Variants in TRAPPC9 observed in about 807,000 individuals in gnomAD.
TRAPPC9 encodes trafficking protein particle complex subunit 9.
In TRAPPC9, 83 loss-of-function variants were observed where a neutral mutation model predicts 124.0. That is an observed-to-expected ratio of 0.67 (90% CI 0.56 to 0.80). The LOEUF is 0.80. TRAPPC9 is among the 30% of genes least tolerant of loss of function. TRAPPC9 has a pLI of 0.00. For missense variants in TRAPPC9, 1,302 were observed against 1,508.3 expected (o/e 0.86, Z 2.27); for synonymous variants, 638 against 617.5 (o/e 1.03, Z -0.49).
At chr8:140,057,893 G>A (rs914547231) in intron 17 of TRAPPC9, among the ~76,000 whole-genome samples, 4 of 152,210 alleles carry the variant, frequency 2.6e-5, no homozygotes, top group Non-Finnish European at 4.4e-5. Context: ...GTGGCCCAGC[G>A]TCTGATCCAG....
chr8:139,783,072 C>A (rs1262974875), intron 21 of TRAPPC9, among the ~76,000 whole-genome samples: 2 of 151,586 alleles, frequency 1.3e-5, no homozygotes, highest in East Asian at 3.9e-4. Context: ...ATTCATAGCA[C>A]AAATCACCTA....
intron 21 of TRAPPC9, among the ~76,000 whole-genome samples, chr8:139,794,500 G>A (rs1822913284): frequency 6.6e-6 from 1 of 152,216 alleles, no homozygotes; most frequent in South Asian, 2.1e-4. Context: ...GGACTCCTGG[G>A]AGCCTCAGTT....
intron 21 of TRAPPC9, among the ~76,000 whole-genome samples, chr8:139,800,823 CACCTTCCCTCCGTCCGGTACCTGT>C (rs1354889328): frequency 6.7e-6 from 1 of 150,050 alleles, no homozygotes; most frequent in Non-Finnish European, 1.5e-5. Flanking sequence ...CTCCCTCCAG[CACCTTCCCTCCGTCCGGTACCTGT>C]ACCTTCCCTC....
In TRAPPC9 at chr8:140,086,937, G is replaced by GA. The variant is rs111733551; in HGVS notation, c.2557-62859dup. Among the ~76,000 whole-genome samples the GA allele has an allele frequency of 2.3e-3, 342 of 148,286 alleles. 3 individuals are homozygous for GA. The highest frequency in any genetic ancestry group is 7.9e-4 in the Non-Finnish European group (53 of 66,708). On this transcript the variant is annotated intron_variant, in intron 17 of 22. Coordinates refer to ENST00000438773, the MANE Select transcript of TRAPPC9 (RefSeq NM_001160372.4). The stretch of plus-strand genomic sequence containing the variant: ...ACAGAGTGAGACTGTCTCAAAAAAA[G>GA]AAAAAAAAAATCCCTCTCTTCATCC...
At chr8:140,319,418 C>A (rs2066532357) in intron 9 of TRAPPC9, among the ~76,000 whole-genome samples, 1 of 151,896 alleles carries the variant, frequency 6.6e-6, no homozygotes, top group South Asian at 2.1e-4. Flanking sequence ...ACCTCCTGAT[C>A]CGCCCACCTC....
intron 2 of TRAPPC9, among the ~76,000 whole-genome samples, chr8:140,448,455 T>A (rs1324960663): frequency 6.6e-6 from 1 of 152,230 alleles, no homozygotes; most frequent in Non-Finnish European, 1.5e-5. Context: ...TGCAGAGTTG[T>A]GAGCTCAGAT....
chr8:140,298,482 G>A (rs150558857), intron 11 of TRAPPC9, among the ~76,000 whole-genome samples: 44 of 152,144 alleles, frequency 2.9e-4, no homozygotes, highest in African/African-American at 7.5e-4. Flanking sequence ...GCAAAACTCC[G>A]TCTCTACAAA....
intron 17 of TRAPPC9, among the ~76,000 whole-genome samples, chr8:140,033,214 C>T (rs1250236399): frequency 1.3e-5 from 2 of 152,162 alleles, no homozygotes; most frequent in East Asian, 3.8e-4. Flanking sequence ...TGGACTACTG[C>T]ACTGGCCAGG....
chr8:139,882,778 C>T (rs1829758504), intron 21 of TRAPPC9, among the ~76,000 whole-genome samples: 1 of 152,180 alleles, frequency 6.6e-6, no homozygotes, highest in South Asian at 2.1e-4. Context: ...ACTTATCCAG[C>T]AGGCATCATC....
chr8:140,361,067 G>A (rs2067939285), intron 8 of TRAPPC9, among the ~76,000 whole-genome samples: 1 of 152,214 alleles, frequency 6.6e-6, no homozygotes, highest in East Asian at 1.9e-4. Context: ...CCCTGCCAAT[G>A]GCTCTGATAA....
At chr8:139,827,121 G>T (rs1393219751) in intron 21 of TRAPPC9, among the ~76,000 whole-genome samples, 1 of 152,166 alleles carries the variant, frequency 6.6e-6, no homozygotes, top group Admixed American at 6.5e-5. Flanking sequence ...CTAAAATGGG[G>T]AAGGGAAGGC....
chr8:140,350,862 T>A (rs2067547084), intron 9 of TRAPPC9, among the ~76,000 whole-genome samples: 1 of 151,972 alleles, frequency 6.6e-6, no homozygotes, highest in Non-Finnish European at 1.5e-5. Flanking sequence ...TCCTGGGTTT[T>A]ATTACAGGAG....
intron 17 of TRAPPC9, among the ~76,000 whole-genome samples, chr8:140,066,184 GTAGAAT>G (rs984121014): frequency 1.4e-4 from 22 of 152,354 alleles, no homozygotes; most frequent in Middle Eastern, 3.4e-3. Flanking sequence ...AGAAATAGCA[GTAGAAT>G]TAGAATTAGA....
intron 16 of TRAPPC9, among the ~76,000 whole-genome samples, chr8:140,237,823 G>A (rs1380055368): frequency 6.6e-6 from 1 of 152,106 alleles, no homozygotes; most frequent in African/African-American, 2.4e-5. Context: ...GGAAGATAGT[G>A]GAAAAGGGGA....
chr8:140,403,550 T>C (rs1036863448), intron 6 of TRAPPC9, among the ~76,000 whole-genome samples: 3 of 152,174 alleles, frequency 2.0e-5, no homozygotes, highest in African/African-American at 7.2e-5. Context: ...TCAGCTGTAT[T>C]GGCAAATATT....
chr8:139,991,202 A>G (rs558891496), intron 18 of TRAPPC9, among the ~76,000 whole-genome samples: 1 of 152,350 alleles, frequency 6.6e-6, no homozygotes, highest in African/African-American at 2.4e-5. Flanking sequence ...AATTGAAGTG[A>G]TTTTTTAAAA....
intron 19 of TRAPPC9, chr8:139,931,355 C>G (rs1290395738): frequency 6.6e-6 from 1 of 152,202 alleles, no homozygotes; most frequent in African/African-American, 2.4e-5. Flanking sequence ...TCCACAATGA[C>G]AGTTTCTGCA....
Position 140,360,047 on chromosome 8 carries a change from C to A in TRAPPC9, c.1495+3G>T, listed in dbSNP as rs1388466227. 1 of 1,614,098 alleles carries A rather than the reference C, an allele frequency of 6.2e-7. No homozygotes were observed. The highest frequency in any genetic ancestry group is 8.5e-7 in the Non-Finnish European group (1 of 1,179,990). On this transcript the variant is annotated splice_donor_region_variant and intron_variant, in intron 9 of 22. Transcript: ENST00000438773. ...AAAAACATTGTGGTTTGAGCTCACTCACCCTGATCCGACAAGAAGTCCAGC... is the reference window on the plus strand; with the variant it reads ...AAAAACATTGTGGTTTGAGCTCACTAACCCTGATCCGACAAGAAGTCCAGC...
chr8:139,906,690 C>T (rs1165060065), intron 20 of TRAPPC9, among the ~76,000 whole-genome samples: 6 of 152,152 alleles, frequency 3.9e-5, no homozygotes, highest in Non-Finnish European at 5.9e-5. Flanking sequence ...CTTCCTGTGC[C>T]GCTCCCTTTG....
Sources: gnomAD v4.1 joint callset for allele counts (sites outside exome capture counted in the v4.1 genomes callset) on GRCh38, gnomAD v4.1.1 for gene constraint, MANE v1.5 for transcripts, NCBI Gene and HGNC (gene_info 2026-07-23, HGNC 2026-07-21) for gene names.